Variants in ATF6 observed in about 807,000 individuals in gnomAD.
ATF6 encodes activating transcription factor 6.
ATF6 carries 53 observed loss-of-function variants against 83.6 expected under a neutral mutation model. The observed-to-expected ratio is 0.63, with a 90% CI of 0.51 to 0.80. The LOEUF (loss-of-function observed/expected upper bound fraction) is 0.80, where lower values mean the gene tolerates loss of function less well. Ranked by LOEUF, ATF6 falls within the 30% of genes least tolerant of loss-of-function variation. The pLI is 0.00. For synonymous variants in ATF6, 288 were observed against 285.8 expected, an observed-to-expected ratio of 1.01 and a Z score of -0.08; for missense variants, 744 against 797.9, an observed-to-expected ratio of 0.93 and a Z score of 0.81.
intron 10 of ATF6, among the ~76,000 whole-genome samples, chr1:161,847,858 G>A (rs1229214035): frequency 6.6e-6 from 1 of 152,026 alleles, no homozygotes; most frequent in East Asian, 1.9e-4. Flanking sequence ...TTACAGTTCA[G>A]GTAAGCTTTA....
chr1:161,792,635 C>G (rs990253475), intron 6 of ATF6, among the ~76,000 whole-genome samples: 28 of 152,142 alleles, frequency 1.8e-4, no homozygotes, highest in African/African-American at 6.5e-4. Flanking sequence ...GAGTTCAGGT[C>G]AGCCAGATTT....
intron 9 of ATF6, among the ~76,000 whole-genome samples, chr1:161,824,858 A>G (rs1052690360): frequency 1.4e-4 from 22 of 152,258 alleles, no homozygotes; most frequent in African/African-American, 5.3e-4. Context: ...GAATAAAAGT[A>G]CAGTCTAGTA....
chr1:161,937,347 T>TA (rs35432799), intron 15 of ATF6, among the ~76,000 whole-genome samples: 75,920 of 110,892 alleles, frequency 0.68, 27,894 homozygotes, highest in East Asian at 0.82. Context: ...CCCTCTCAGT[T>TA]AAAAAAAAAA....
At chr1:161,913,537 T>C (rs138347683) in intron 15 of ATF6, among the ~76,000 whole-genome samples, 2,311 of 152,294 alleles carry the variant, frequency 0.015, 173 homozygotes, top group Admixed American at 0.12. Flanking sequence ...ATGGGCTTTT[T>C]GTTAAAGCAT....
At chr1:161,873,761 A>G (rs141014030) in intron 14 of ATF6, among the ~76,000 whole-genome samples, 2 of 151,690 alleles carry the variant, frequency 1.3e-5, no homozygotes, top group East Asian at 3.9e-4. Context: ...GTTTCTAAAT[A>G]ATAATAAGTC....
chr1:161,778,090 A>G (rs1684558513), intron 1 of ATF6, among the ~76,000 whole-genome samples, 154 bp from the exon 2 acceptor site: 1 of 152,236 alleles, frequency 6.6e-6, no homozygotes, highest in African/African-American at 2.4e-5. Context: ...ATTGGAAATG[A>G]GCATTGAATT....
At chr1:161,811,844 A>G (rs1424511257) in intron 7 of ATF6, among the ~76,000 whole-genome samples, 1 of 152,120 alleles carries the variant, frequency 6.6e-6, no homozygotes, top group Non-Finnish European at 1.5e-5. Context: ...CATACCTCAC[A>G]GTATTTTACC....
chr1:161,820,662 C>A (rs969058349), intron 8 of ATF6, among the ~76,000 whole-genome samples: 1 of 152,060 alleles, frequency 6.6e-6, no homozygotes, highest in African/African-American at 2.4e-5. Context: ...GCAGCAGAAT[C>A]GCTTGAACCT....
intron 15 of ATF6, among the ~76,000 whole-genome samples, chr1:161,944,083 G>A (rs1688703038): frequency 6.6e-6 from 1 of 152,156 alleles, no homozygotes; most frequent in South Asian, 2.1e-4. Flanking sequence ...AAAATGATAT[G>A]GTATAGCAGC....
intron 14 of ATF6, among the ~76,000 whole-genome samples, chr1:161,908,534 C>T (rs1460629622): frequency 1.3e-5 from 2 of 149,956 alleles, no homozygotes; most frequent in Non-Finnish European, 3.0e-5. Context: ...CCCGCCCCCT[C>T]CCCTCCATGT....
chr1:161,819,798 C>G lies in ATF6; in HGVS notation c.1075C>G (p.Leu359Val). ...KKENGTLKRQ[L>V]DEVVSENQRL... ...AGAAAATGGAACACTGAAGCGGCAG[C>G]TGGATGAAGTTGTGTCAGAGGTAAG... is the stretch of plus-strand genomic sequence containing the variant. Residue 359 changes from leucine to valine, a missense_variant, in exon 8 of 16, where the codon CTG becomes GTG. Coordinates refer to ENST00000367942, the MANE Select transcript of ATF6 (RefSeq NM_007348.4). 1.9e-6 allele frequency: 3 copies of G among 1,608,412 alleles called. No homozygotes were observed. The highest frequency in any genetic ancestry group is 2.5e-6 in the Non-Finnish European group (3 of 1,177,440).
chr1:161,767,764 C>A (rs1198827220), intron 1 of ATF6, among the ~76,000 whole-genome samples: 1 of 152,176 alleles, frequency 6.6e-6, no homozygotes, highest in East Asian at 1.9e-4. Flanking sequence ...TTCCTAAGAT[C>A]CCTGGTTATT....
chr1:161,834,389 A>G (rs1158913047), intron 9 of ATF6, among the ~76,000 whole-genome samples: 2 of 152,076 alleles, frequency 1.3e-5, no homozygotes, highest in African/African-American at 2.4e-5. Flanking sequence ...ATGTCCAACA[A>G]TGATAGACTG....
At chr1:161,948,658 A>G (rs1688807018) in intron 15 of ATF6, among the ~76,000 whole-genome samples, 1 of 152,266 alleles carries the variant, frequency 6.6e-6, no homozygotes, top group African/African-American at 2.4e-5. Context: ...TGAATTCACG[A>G]TCTCAGATTC....
At chr1:161,872,173 C>A (rs1177530522) in intron 14 of ATF6, among the ~76,000 whole-genome samples, 1 of 151,242 alleles carries the variant, frequency 6.6e-6, no homozygotes, top group African/African-American at 2.4e-5. Flanking sequence ...ATTGTGAACT[C>A]CAATAAGAAA....
At chr1:161,877,910 CTA>C (rs1687248332) in intron 14 of ATF6, among the ~76,000 whole-genome samples, 1 of 152,034 alleles carries the variant, frequency 6.6e-6, no homozygotes, top group Non-Finnish European at 1.5e-5. Context: ...GTAGAAAGGA[CTA>C]TCATTTTTTA....
chr1:161,877,710 A>G (rs1490547307), intron 14 of ATF6, among the ~76,000 whole-genome samples: 2 of 152,298 alleles, frequency 1.3e-5, no homozygotes, highest in African/African-American at 2.4e-5. Context: ...TGGACAATGC[A>G]TTAGAGAGAG....
At chr1:161,801,564 C>T (rs569621963) in intron 6 of ATF6, among the ~76,000 whole-genome samples, 1 of 152,040 alleles carries the variant, frequency 6.6e-6, no homozygotes, top group East Asian at 1.9e-4. Flanking sequence ...AGCCACAGTG[C>T]ATGGCCTGTA....
chr1:161,800,095 C>T (rs754840330), intron 6 of ATF6, among the ~76,000 whole-genome samples: 6 of 152,122 alleles, frequency 3.9e-5, no homozygotes, highest in African/African-American at 9.7e-5. Flanking sequence ...AAACACTTAG[C>T]AGGCAAGTAA....
Sources: gnomAD v4.1 joint callset for allele counts (sites outside exome capture counted in the v4.1 genomes callset) on GRCh38, gnomAD v4.1.1 for gene constraint, MANE v1.5 for transcripts, NCBI Gene and HGNC (gene_info 2026-07-23, HGNC 2026-07-21) for gene names.